The following RANBP17 variants were observed in gnomAD, a reference collection of about 807,000 sequenced individuals.
RANBP17 encodes ran-binding protein 17.
In RANBP17, 158 loss-of-function variants were observed where a neutral mutation model predicts 141.2. The ratio of observed to expected loss-of-function variants is 1.12; its 90% CI spans 0.98 to 1.28. The LOEUF (loss-of-function observed/expected upper bound fraction) is 1.28, where lower values mean the gene tolerates loss of function less well. RANBP17 is among the 50% of genes most tolerant of loss of function. RANBP17 has a pLI of 0.00. For synonymous variants in RANBP17, 430 were observed against 450.0 expected (o/e 0.96, Z 0.56); for missense variants, 1,438 against 1,290.7 (o/e 1.11, Z -1.75).
At chr5:171,174,774 G>GTGTA (rs1760330021) in intron 16 of RANBP17, among the ~76,000 whole-genome samples, 1 of 151,206 alleles carries the variant, frequency 6.6e-6, no homozygotes, top group South Asian at 2.1e-4. Flanking sequence ...GTGTGTGTGT[G>GTGTA]TGTGTGTGTG....
intron 14 of RANBP17, among the ~76,000 whole-genome samples, chr5:171,018,237 G>C (rs973332281): frequency 6.6e-6 from 1 of 152,012 alleles, no homozygotes; most frequent in African/African-American, 2.4e-5. Flanking sequence ...TGGCTATATG[G>C]GCTCTTTTTT....
At chr5:171,003,467 G>C (rs1193356259) in intron 14 of RANBP17, among the ~76,000 whole-genome samples, 2 of 152,228 alleles carry the variant, frequency 1.3e-5, no homozygotes, top group Non-Finnish European at 2.9e-5. Context: ...GTTGGGGTTT[G>C]AGAGATCAGT....
intron 14 of RANBP17, among the ~76,000 whole-genome samples, chr5:170,975,254 C>T (rs1561948361): frequency 6.6e-6 from 1 of 152,122 alleles, no homozygotes; most frequent in African/African-American, 2.4e-5. Flanking sequence ...GCCAGCTGGG[C>T]GTGGTGGCTC....
intron 14 of RANBP17, among the ~76,000 whole-genome samples, chr5:171,112,302 T>G (rs145367758): frequency 3.5e-4 from 54 of 152,266 alleles, no homozygotes; most frequent in African/African-American, 1.3e-3. Context: ...TTTCTTGCAC[T>G]ATCTGTAAAA....
chr5:170,911,644 G>A (rs1244093734), intron 7 of RANBP17, among the ~76,000 whole-genome samples: 1 of 151,782 alleles, frequency 6.6e-6, no homozygotes, highest in African/African-American at 2.4e-5. Context: ...TGGAGATCAA[G>A]TAAGAAAAAA....
chr5:171,084,423 T>A (rs1355462066), intron 14 of RANBP17, among the ~76,000 whole-genome samples: 1 of 122,386 alleles, frequency 8.2e-6, no homozygotes, highest in African/African-American at 3.0e-5. Flanking sequence ...AATAAACATA[T>A]GTGTGCATGT....
intron 8 of RANBP17, 125 bp downstream of exon 8, chr5:170,914,365 T>C (rs768108330): frequency 4.6e-6 from 3 of 658,918 alleles, no homozygotes; most frequent in Non-Finnish European, 7.9e-6. Flanking sequence ...AGTTCTTATA[T>C]TTTCTGGGAT....
chr5:171,081,437 A>T (rs917427012), intron 14 of RANBP17, among the ~76,000 whole-genome samples: 2 of 152,198 alleles, frequency 1.3e-5, no homozygotes, highest in African/African-American at 4.8e-5. Flanking sequence ...TGTATTCACA[A>T]TCAGCTGCAC....
At position 170,878,508 on chromosome 5, in the gene RANBP17, A is replaced by G. The variant is rs10045832; in HGVS notation, c.165+265A>G. Among the ~76,000 whole-genome samples the G allele has an allele frequency of 0.6, 91,410 of 151,908 alleles. 29,214 individuals carry two copies. Among genetic ancestry groups the G allele is most frequent in the South Asian group, 0.88 (4,261 of 4,816 alleles). ...CTATTGGTCTCTTTTTATGTCTCATATTAGTGGGCAAATTTACATTTTTAG... is the reference window on the plus strand; with the variant it reads ...CTATTGGTCTCTTTTTATGTCTCATGTTAGTGGGCAAATTTACATTTTTAG... On this transcript the variant is annotated intron_variant, in intron 2 of 27. Coordinates refer to ENST00000523189, the MANE Select transcript of RANBP17 (RefSeq NM_022897.5).
intron 24 of RANBP17, chr5:171,252,450 T>G (rs1449006850): frequency 6.7e-7 from 1 of 1,499,212 alleles, no homozygotes; most frequent in African/African-American, 1.4e-5. Flanking sequence ...CATCAATTAC[T>G]CACTGCTTAA....
chr5:171,092,583 A>T (rs1477960703), intron 14 of RANBP17, among the ~76,000 whole-genome samples: 1 of 152,216 alleles, frequency 6.6e-6, no homozygotes, highest in East Asian at 1.9e-4. Flanking sequence ...TTATTTATAA[A>T]ATGAGGGCTG....
intron 22 of RANBP17, among the ~76,000 whole-genome samples, chr5:171,240,197 A>G (rs1012284737): frequency 6.6e-6 from 1 of 152,214 alleles, no homozygotes; most frequent in South Asian, 2.1e-4. Flanking sequence ...TAACATACTT[A>G]CTAGCACACA....
chr5:171,103,660 C>A lies in RANBP17; in HGVS notation c.1711-66470C>A, dbSNP rs534632039. 9.2e-5 allele frequency among the ~76,000 whole-genome samples: 14 copies of A among 152,028 alleles called. No individual in the cohort carries two copies. In the South Asian group the frequency reaches 2.5e-3, roughly 27 times the overall value. ...TGCCAGTGGGGTATGAAAAAAAAAA[C>A]CCTGCAGCTAGCTAGGTGTCTGCTC... On this transcript the variant is annotated intron_variant, in intron 14 of 27. Transcript: ENST00000523189.
chr5:170,952,141 G>C (rs1482440353), intron 12 of RANBP17, among the ~76,000 whole-genome samples: 1 of 152,064 alleles, frequency 6.6e-6, no homozygotes. Context: ...AGGGTCATCA[G>C]AGTAGAGCTT....
At chr5:171,036,354 T>C (rs1180075952) in intron 14 of RANBP17, among the ~76,000 whole-genome samples, 1 of 151,024 alleles carries the variant, frequency 6.6e-6, no homozygotes. Context: ...GCTGCAGAGG[T>C]CACAATTTCC....
intron 14 of RANBP17, among the ~76,000 whole-genome samples, chr5:171,137,162 T>G (rs1042563689): frequency 6.6e-6 from 1 of 152,210 alleles, no homozygotes; most frequent in Non-Finnish European, 1.5e-5. Flanking sequence ...CTATACTTAA[T>G]ATATATTTTT....
At chr5:170,914,022 A>G (rs1771744961) in intron 7 of RANBP17, 145 bp from the exon 8 acceptor site, 5 of 622,736 alleles carry the variant, frequency 8.0e-6, no homozygotes, top group East Asian at 5.5e-5. Flanking sequence ...TCAAAGGAAA[A>G]TAGCTAGGAA....
intron 14 of RANBP17, among the ~76,000 whole-genome samples, chr5:171,089,650 A>C (rs1354142818): frequency 1.3e-5 from 2 of 152,166 alleles, no homozygotes; most frequent in East Asian, 3.9e-4. Context: ...GGTGTGGGAT[A>C]TAATCTCGTG....
intron 14 of RANBP17, among the ~76,000 whole-genome samples, chr5:170,988,446 A>G (rs1320028556): frequency 7.9e-5 from 12 of 151,642 alleles, no homozygotes; most frequent in Non-Finnish European, 1.5e-5. Flanking sequence ...AAATACCCAA[A>G]TACCAAGTAG....
Sources: gnomAD v4.1 joint callset for allele counts (sites outside exome capture counted in the v4.1 genomes callset) on GRCh38, gnomAD v4.1.1 for gene constraint, MANE v1.5 for transcripts, NCBI Gene and HGNC (gene_info 2026-07-23, HGNC 2026-07-21) for gene names.